The following SLC68A1 variants were observed in gnomAD, a reference collection of about 807,000 sequenced individuals.
SLC68A1 encodes the protein major facilitator superfamily domain containing 13A.
the SLC68A1 span, among the ~76,000 whole-genome samples, chr10:102,472,602 A>C: frequency 6.6e-6 from 1 of 152,156 alleles, no homozygotes; most frequent in South Asian, 2.1e-4. Flanking sequence ...AAAAAGAAAA[A>C]GCTTTTAATT....
chr10:102,465,166 G>A, the SLC68A1 span, among the ~76,000 whole-genome samples: 1 of 152,182 alleles, frequency 6.6e-6, no homozygotes, highest in African/African-American at 2.4e-5. Flanking sequence ...GGCTGAGGCA[G>A]GAGAATGGCT....
At chr10:102,473,452 T>A in the SLC68A1 span, 7 of 1,044,512 alleles carry the variant, frequency 6.7e-6, no homozygotes, top group Non-Finnish European at 8.4e-6. Flanking sequence ...GTGAAGCTCT[T>A]AGCACAGAGC....
At chr10:102,470,526 G>A in the SLC68A1 span, 6 of 1,365,260 alleles carry the variant, frequency 4.4e-6, no homozygotes, top group South Asian at 2.8e-5. Context: ...GCAGACTGGG[G>A]ACTTAGGGGA....
At chr10:102,476,192 C>G in the SLC68A1 span, 1 of 871,654 alleles carries the variant, frequency 1.1e-6, no homozygotes, top group Non-Finnish European at 1.6e-6. Context: ...CTCAGCCTCC[C>G]GAGTAGGTGG....
chr10:102,470,979 TCTC>T, the SLC68A1 span: 4 of 1,613,172 alleles, frequency 2.5e-6, no homozygotes, highest in Admixed American at 5.0e-5. Context: ...AAGGAGGATT[TCTC>T]CTCCTTCCGC....
chr10:102,464,339 C>A, the SLC68A1 span, among the ~76,000 whole-genome samples: 1 of 151,916 alleles, frequency 6.6e-6, no homozygotes, highest in African/African-American at 2.4e-5. Context: ...TGATCCCAAC[C>A]ATTTGGGAGG....
chr10:102,466,637 C>G, the SLC68A1 span, among the ~76,000 whole-genome samples: 1 of 147,986 alleles, frequency 6.8e-6, no homozygotes, highest in African/African-American at 2.5e-5. Context: ...AAGGTCATAC[C>G]TGTTCCATCT....
chr10:102,470,652 C>T, the SLC68A1 span: 10 of 1,601,728 alleles, frequency 6.2e-6, no homozygotes, highest in Non-Finnish European at 8.5e-6. Context: ...AACAACTCTC[C>T]TTTCCCCGGC....
chr10:102,470,658 C>T, the SLC68A1 span: 1 of 1,603,160 alleles, frequency 6.2e-7, no homozygotes, highest in Non-Finnish European at 8.5e-7. Context: ...TCTCCTTTCC[C>T]CGGCAGGTCA....
the SLC68A1 span, chr10:102,474,093 C>G: frequency 7.0e-7 from 1 of 1,422,846 alleles, no homozygotes. Flanking sequence ...CAAGCCTGGG[C>G]TCTGGGTCCA....
chr10:102,470,935 C>T, the SLC68A1 span: 1 of 1,613,430 alleles, frequency 6.2e-7, no homozygotes, highest in South Asian at 1.1e-5. Flanking sequence ...CGGCCGGCTC[C>T]CTCTCTGTCT....
chr10:102,471,367 C>T, the SLC68A1 span: 1 of 1,613,308 alleles, frequency 6.2e-7, no homozygotes, highest in African/African-American at 1.3e-5. Context: ...TCGGAACTTC[C>T]TGTGGTTCGT....
the SLC68A1 span, chr10:102,469,324 T>G: frequency 1.1e-6 from 1 of 904,186 alleles, no homozygotes. Context: ...GTCCAGGTTG[T>G]TCACCAAGAC....
At chr10:102,470,717 C>T in the SLC68A1 span, 1 of 1,613,216 alleles carries the variant, frequency 6.2e-7, no homozygotes, top group South Asian at 1.1e-5. Flanking sequence ...GGTGCAGGCC[C>T]TGGGCTGGCA....
the SLC68A1 span, among the ~76,000 whole-genome samples, chr10:102,461,679 G>T: frequency 3.9e-5 from 6 of 152,170 alleles, no homozygotes; most frequent in Non-Finnish European, 5.9e-5. Flanking sequence ...TCGCAGAAAG[G>T]CTCTCCGGGG....
the SLC68A1 span, chr10:102,470,580 TC>T: frequency 7.8e-6 from 12 of 1,539,892 alleles, no homozygotes; most frequent in African/African-American, 1.5e-4. Flanking sequence ...TGGGCCTCCA[TC>T]CCTCCCCTGG....
At chr10:102,470,623 G>A in the SLC68A1 span, 4 of 1,581,986 alleles carry the variant, frequency 2.5e-6, no homozygotes, top group Non-Finnish European at 3.4e-6. Context: ...AGCCTGCCAA[G>A]TCTGACACGG....
chr10:102,469,081 G>A, the SLC68A1 span: 5 of 1,613,978 alleles, frequency 3.1e-6, no homozygotes, highest in African/African-American at 6.7e-5. Flanking sequence ...CACAGCTGTG[G>A]TCTATGGCTC....
chr10:102,468,814 A>C, the SLC68A1 span: 2 of 536,062 alleles, frequency 3.7e-6, no homozygotes, highest in Non-Finnish European at 6.7e-6. Context: ...TGTTTCTGTT[A>C]TACTTCATTC....
Sources: gnomAD v4.1 joint callset for allele counts (sites outside exome capture counted in the v4.1 genomes callset) on GRCh38, gnomAD v4.1.1 for gene constraint, MANE v1.5 for transcripts, NCBI Gene and HGNC (gene_info 2026-07-23, HGNC 2026-07-21) for gene names.